The following GALNS variants were observed in gnomAD, a reference collection of about 807,000 sequenced individuals.
The protein encoded by GALNS is N-acetylgalactosamine-6-sulfatase.
GALNS carries 65 observed loss-of-function variants against 65.9 expected under a neutral mutation model. That is an observed-to-expected ratio of 0.99 (90% CI 0.81 to 1.21). GALNS has a LOEUF of 1.21. Among genes scored for constraint, GALNS ranks in the 50% most tolerant of loss-of-function variants. The probability of loss-of-function intolerance (pLI) is 0.00; values close to 1 mark genes in which losing one functional copy is unlikely to be tolerated. For synonymous variants in GALNS, 346 were observed against 288.9 expected (o/e 1.20, Z -2.00); for missense variants, 776 against 700.7 (o/e 1.11, Z -1.21).
chr16:88,834,636 C>A lies in GALNS; in HGVS notation c.898+577G>T, dbSNP rs1227903175. ...GTGGTCTGGGAAGAGGCTGCAGGGC[C>A]CCCCCCCGCGTGGTCTGGGAAGAGG... On this transcript the variant is annotated intron_variant, in intron 8 of 13. Coordinates refer to ENST00000268695, the MANE Select transcript of GALNS (RefSeq NM_000512.5). Among the ~76,000 whole-genome samples, 447 of 78,688 alleles carry A rather than the reference C, an allele frequency of 5.7e-3. 10 individuals are homozygous for A. Among genetic ancestry groups the A allele is most frequent in the African/African-American group, 0.014 (399 of 28,766 alleles). 51.6% of individuals were successfully genotyped at this position (78,688 alleles called of 152,430 possible).
chr16:88,842,533 C>G (rs543531551), intron 2 of GALNS, 173 bp downstream of exon 2: 1 of 781,558 alleles, frequency 1.3e-6, no homozygotes, highest in Non-Finnish European at 2.0e-6. Context: ...CCACATGGCA[C>G]GGAGCCGGGC....
chr16:88,828,329 T>C (rs1911139759), intron 9 of GALNS, among the ~76,000 whole-genome samples: 1 of 152,238 alleles, frequency 6.6e-6, no homozygotes, highest in Non-Finnish European at 1.5e-5. Context: ...TGGAGCGTTT[T>C]CGAAGAACTC....
Position 88,835,709 on chromosome 16 carries a change from T to C in GALNS, c.758+16A>G, listed in dbSNP as rs776354119. The C allele has an allele frequency of 1.2e-6, 2 of 1,613,828 alleles. No individual in the cohort carries two copies. Among genetic ancestry groups the C allele is most frequent in the East Asian group, 2.2e-5 (1 of 44,876 alleles). On this transcript the variant is annotated intron_variant, in intron 7 of 13. Coordinates refer to ENST00000268695, the MANE Select transcript of GALNS (RefSeq NM_000512.5). ...GGCCTCCAGCGAGGTCTATGCTCCATGGAGCCAGGACTCACCGCCCTCGCT... is the reference window on the plus strand; with the variant it reads ...GGCCTCCAGCGAGGTCTATGCTCCACGGAGCCAGGACTCACCGCCCTCGCT...
Position 88,816,348 on chromosome 16 carries a change from G to A in GALNS, c.1482+1659C>T, listed in dbSNP as rs1316025816. On this transcript the variant is annotated intron_variant, in intron 13 of 13. Transcript: ENST00000268695. The stretch of plus-strand genomic sequence containing the variant: ...TTGGGTGTGGAAGGCAGAAGGCCAG[G>A]GCTCCTCCACGGCTGGTGGCCCTGG... 3 of 985,450 alleles carry A rather than the reference G, an allele frequency of 3.0e-6. No individual in the cohort carries two copies. The African/African-American group carries it at 5.2e-5, about 17-fold the overall frequency. The allele number at this position is 985,450 out of a possible 1,614,324, so 61.0% of individuals were successfully genotyped here. A position where few individuals can be genotyped will look rare whatever the true frequency, so the allele number is the denominator to read the frequency against.
At chr16:88,833,686 G>GT (rs1911762342) in intron 8 of GALNS, among the ~76,000 whole-genome samples, 1 of 152,048 alleles carries the variant, frequency 6.6e-6, no homozygotes, top group Admixed American at 6.6e-5. Flanking sequence ...TCCTGACCTC[G>GT]TGATCCACCC....
At chr16:88,838,484 G>C (rs1912374719) in intron 4 of GALNS, 1 of 153,112 alleles carries the variant, frequency 6.5e-6, no homozygotes, top group African/African-American at 2.4e-5. Flanking sequence ...TCACACCCCA[G>C]GCCTGTGGGA....
chr16:88,835,440 G>A (rs1055366951), intron 7 of GALNS, 88 bp from the exon 8 acceptor site: 1 of 1,540,860 alleles, frequency 6.5e-7, no homozygotes, highest in Non-Finnish European at 8.9e-7. Context: ...GATTCACGGA[G>A]TTCATTAAAT....
Position 88,826,699 on chromosome 16 carries a change from A to T in GALNS, c.1139+3T>A, listed in dbSNP as rs1910959705. 1 of 1,612,336 alleles carries T rather than the reference A, an allele frequency of 6.2e-7. No individual in the cohort carries two copies. On this transcript the variant is annotated splice_donor_region_variant and intron_variant, in intron 10 of 13. Transcript: ENST00000268695. Reference sequence around the variant, plus strand: ...AAGGGGCCGGGGCAGGTCTAGCACCAACCTGTCCATCAGCCGGCCCTGCAG... The same window carrying T: ...AAGGGGCCGGGGCAGGTCTAGCACCTACCTGTCCATCAGCCGGCCCTGCAG...
At position 88,842,620 on chromosome 16, in the gene GALNS, C is replaced by T. The variant is rs71395332; in HGVS notation, c.244+86G>A. 0.24 allele frequency: 368,052 copies of T among 1,514,676 alleles called. 47,832 individuals are homozygous for T. Among genetic ancestry groups the T allele is most frequent in the East Asian group, 0.57 (24,027 of 42,206 alleles). 93.8% of individuals were successfully genotyped at this position (1,514,676 alleles called of 1,614,324 possible). A position where few individuals can be genotyped will look rare whatever the true frequency, so the allele number is the denominator to read the frequency against. On this transcript the variant is annotated intron_variant, in intron 2 of 13. Transcript: ENST00000268695. ...TAGGAATAGACAAGGTTGATGCAGC[C>T]GCCCAGAGTCAGGGCTGGAAGGACC...
At chr16:88,847,326 G>A (rs1733556362) in intron 1 of GALNS, among the ~76,000 whole-genome samples, 1 of 152,088 alleles carries the variant, frequency 6.6e-6, no homozygotes. Context: ...AGCTGAGATC[G>A]CGCCACGGCA....
intron 1 of GALNS, among the ~76,000 whole-genome samples, chr16:88,847,481 C>A (rs1262154105): frequency 6.6e-6 from 1 of 152,246 alleles, no homozygotes; most frequent in Non-Finnish European, 1.5e-5. Flanking sequence ...CTGCCACCTG[C>A]ATGGACAGCA....
intron 3 of GALNS, 145 bp downstream of exon 3, chr16:88,841,752 T>G (rs995464491): frequency 1.3e-6 from 1 of 757,012 alleles, no homozygotes; most frequent in Non-Finnish European, 2.3e-6. Flanking sequence ...GGGCCTGCAC[T>G]TCCACCTAAG....
chr16:88,856,109 G>A, intron 1 of GALNS: 9 of 696,728 alleles, frequency 1.3e-5, no homozygotes, highest in Non-Finnish European at 2.1e-5. Flanking sequence ...AGGAGTTAGG[G>A]AAGGAGGCCT....
At chr16:88,823,458 G>A (rs1341909437) in intron 11 of GALNS, among the ~76,000 whole-genome samples, 2 of 152,240 alleles carry the variant, frequency 1.3e-5, no homozygotes, top group African/African-American at 4.8e-5. Flanking sequence ...CTCGTCCGAG[G>A]ACTGTGCCCA....
chr16:88,817,141 C>T (rs751427196), intron 13 of GALNS: 10 of 985,364 alleles, frequency 1.0e-5, no homozygotes, highest in South Asian at 4.7e-5. Context: ...CCACTGCACA[C>T]GCGGGATGGC....
intron 9 of GALNS, chr16:88,827,164 T>G (rs1911017965): frequency 4.2e-6 from 2 of 471,556 alleles, no homozygotes; most frequent in Non-Finnish European, 7.9e-6. Flanking sequence ...AGGATCAGCC[T>G]CGCTCTAACA....
intron 10 of GALNS, among the ~76,000 whole-genome samples, chr16:88,826,177 C>G (rs1156371942): frequency 2.9e-5 from 3 of 104,826 alleles, no homozygotes; most frequent in Admixed American, 1.4e-4. Flanking sequence ...GGGCTACAGA[C>G]AGGGAACAGG....
intron 10 of GALNS, among the ~76,000 whole-genome samples, chr16:88,826,370 C>T (rs1910919242): frequency 1.7e-5 from 2 of 119,218 alleles, no homozygotes; most frequent in South Asian, 5.2e-4. Context: ...TGTCTGGGTA[C>T]AGGCAGGGAA....
Position 88,856,849 on chromosome 16 carries a change from C to T in GALNS, c.29G>A (p.Trp10Ter), listed in dbSNP as rs1967945316. The T allele has an allele frequency of 6.6e-7, 1 of 1,514,022 alleles. No homozygotes were observed. The highest frequency in any genetic ancestry group is 8.8e-7 in the Non-Finnish European group (1 of 1,140,128). The allele number at this position is 1,514,022 out of a possible 1,614,324, so 93.8% of individuals were successfully genotyped here. The change falls in exon 1 of 14, where the codon TGG (tryptophan) becomes TAG (stop). Residue 10 changes from tryptophan (W) to a stop codon, truncating the protein, a stop_gained. Transcript: ENST00000268695. LOFTEE classifies it high-confidence loss of function. MAAVVAATRWWQLLLVLSAA... is the reference protein window; with the variant it reads MAAVVAATR ...GCTGAGCACCAGCAACAGCTGCCAC[C>T]ACCTCGTCGCCGCGACAACCGCCGC...
Sources: allele counts gnomAD v4.1 joint callset (sites outside exome capture counted in the v4.1 genomes callset), GRCh38; gene constraint gnomAD v4.1.1; transcripts MANE v1.5; gene names NCBI Gene and HGNC (gene_info 2026-07-23, HGNC 2026-07-21).